The following DLG2 variants were observed in gnomAD, a reference collection of about 807,000 sequenced individuals.
DLG2 encodes disks large homolog 2.
In DLG2, 45 loss-of-function variants were observed where a neutral mutation model predicts 132.5. The observed-to-expected ratio is 0.34, with a 90% CI of 0.27 to 0.44. The LOEUF is 0.44. DLG2 is among the 20% of genes least tolerant of loss of function. The pLI is 1.00. For synonymous variants in DLG2, 424 were observed against 419.6 expected (o/e 1.01, Z -0.13); for missense variants, 1,045 against 1,196.9 (o/e 0.87, Z 1.87).
intron 4 of DLG2, among the ~76,000 whole-genome samples, chr11:85,188,041 C>T (rs971551255): frequency 2.0e-5 from 3 of 152,176 alleles, no homozygotes; most frequent in Admixed American, 1.3e-4. Flanking sequence ...GCCTTAGTCT[C>T]TCTATGTGTC....
intron 3 of DLG2, among the ~76,000 whole-genome samples, chr11:85,455,238 C>A (rs748416975): frequency 6.6e-6 from 1 of 152,116 alleles, no homozygotes; most frequent in Non-Finnish European, 1.5e-5. Context: ...AGATTTTACA[C>A]CTCCCTAGTT....
intron 6 of DLG2, among the ~76,000 whole-genome samples, chr11:84,970,593 G>C (rs566076122): frequency 3.3e-5 from 5 of 152,238 alleles, no homozygotes; most frequent in African/African-American, 1.2e-4. Flanking sequence ...TCACATAGCA[G>C]AAGAGGTGAA....
In DLG2 at chr11:84,525,783, T is replaced by A. The variant is rs575386201; in HGVS notation, c.519+8787A>T. ...TGCCCATCTCTCTTGCTTTATGGGA[T>A]GTTTGGGCCCACTCTATGCCCCTTT... is the stretch of plus-strand genomic sequence containing the variant. On this transcript the variant is annotated intron_variant, in intron 7 of 27. Transcript: ENST00000376104. Among the ~76,000 whole-genome samples, 25 of 152,344 alleles carry A rather than the reference T, an allele frequency of 1.6e-4. No homozygotes were observed. The East Asian group carries it at 4.4e-3, about 27-fold the overall frequency.
intron 6 of DLG2, among the ~76,000 whole-genome samples, chr11:84,784,171 A>T (rs1047647857): frequency 8.0e-6 from 1 of 124,974 alleles, no homozygotes; most frequent in East Asian, 2.3e-4. Context: ...AAAAAAAAAA[A>T]GCTTAGCTGA....
intron 21 of DLG2, among the ~76,000 whole-genome samples, chr11:83,503,498 A>G (rs1592008568): frequency 6.8e-6 from 1 of 147,320 alleles, no homozygotes. Flanking sequence ...CAAGATCACA[A>G]GGTCTCACAA....
intron 6 of DLG2, among the ~76,000 whole-genome samples, chr11:84,649,463 A>T (rs1012759805): frequency 5.3e-5 from 8 of 152,306 alleles, no homozygotes; most frequent in South Asian, 2.1e-4. Flanking sequence ...AATGAATAGG[A>T]TGGAGAGAAA....
At chr11:85,393,946 C>T (rs1232044944) in intron 3 of DLG2, among the ~76,000 whole-genome samples, 1 of 152,074 alleles carries the variant, frequency 6.6e-6, no homozygotes, top group Non-Finnish European at 1.5e-5. Context: ...AGACTACACA[C>T]TGGGTACAGT....
chr11:84,618,076 T>G (rs1314427051), intron 6 of DLG2, among the ~76,000 whole-genome samples: 2 of 151,956 alleles, frequency 1.3e-5, no homozygotes, highest in Admixed American at 6.6e-5. Flanking sequence ...TCCTGGTAGG[T>G]AAATAGTAAA....
At chr11:84,796,787 T>A (rs1411817672) in intron 6 of DLG2, among the ~76,000 whole-genome samples, 1 of 151,858 alleles carries the variant, frequency 6.6e-6, no homozygotes, top group Non-Finnish European at 1.5e-5. Context: ...CCTTTGTATG[T>A]TATTTGTGTC....
intron 18 of DLG2, among the ~76,000 whole-genome samples, chr11:83,749,210 G>C (rs2153732609): frequency 6.6e-6 from 1 of 152,296 alleles, no homozygotes; most frequent in African/African-American, 2.4e-5. Flanking sequence ...ATAGAATCAG[G>C]TCACAGTTGC....
chr11:84,712,821 T>C (rs548632025), intron 6 of DLG2, among the ~76,000 whole-genome samples: 1 of 152,272 alleles, frequency 6.6e-6, no homozygotes, highest in South Asian at 2.1e-4. Flanking sequence ...TTCTCTTTTC[T>C]CACCTTGATT....
Position 85,579,801 on chromosome 11 carries a change from C to T in DLG2, c.40+18856G>A, listed in dbSNP as rs1271976923. On this transcript the variant is annotated intron_variant, in intron 3 of 27. Transcript: ENST00000376104. ...TCCTGAGTTCAAGCAATCCACCCAC[C>T]TCAGCCTCCCAAAGTGCTGGGATTA... is the stretch of plus-strand genomic sequence containing the variant. Among the ~76,000 whole-genome samples the T allele has an allele frequency of 7.9e-5, 12 of 152,252 alleles. No homozygotes were observed. In the East Asian group the frequency reaches 2.3e-3, roughly 29 times the overall value.
At chr11:83,500,693 C>G (rs2094415472) in intron 21 of DLG2, among the ~76,000 whole-genome samples, 1 of 151,638 alleles carries the variant, frequency 6.6e-6, no homozygotes, top group African/African-American at 2.4e-5. Flanking sequence ...AATTATTATT[C>G]CTTTATTAAT....
intron 4 of DLG2, among the ~76,000 whole-genome samples, chr11:85,224,775 A>T (rs2074873899): frequency 6.6e-6 from 1 of 152,200 alleles, no homozygotes; most frequent in African/African-American, 2.4e-5. Context: ...CAAGACATGA[A>T]GTCAAATCTT....
At chr11:85,162,198 A>G (rs1377071188) in intron 4 of DLG2, among the ~76,000 whole-genome samples, 1 of 152,190 alleles carries the variant, frequency 6.6e-6, no homozygotes, top group Non-Finnish European at 1.5e-5. Flanking sequence ...CTACTCCACA[A>G]CGGGAAGTAA....
intron 3 of DLG2, among the ~76,000 whole-genome samples, chr11:85,481,605 C>A (rs1484205875): frequency 1.3e-5 from 2 of 152,136 alleles, no homozygotes; most frequent in Non-Finnish European, 2.9e-5. Context: ...ACCAGGAAGA[C>A]CCCCAACAGC....
intron 3 of DLG2, among the ~76,000 whole-genome samples, chr11:85,581,117 T>G (rs2078487164): frequency 6.6e-6 from 1 of 152,134 alleles, no homozygotes; most frequent in South Asian, 2.1e-4. Flanking sequence ...GATTTAGCAG[T>G]GGCTGTGCTC....
intron 22 of DLG2, among the ~76,000 whole-genome samples, chr11:83,482,468 A>ATAAT (rs1302578308): frequency 6.6e-6 from 1 of 152,128 alleles, no homozygotes; most frequent in African/African-American, 2.4e-5. Context: ...AAGACACAGG[A>ATAAT]TAATTATTTT....
At position 85,251,554 on chromosome 11, in the gene DLG2, A is replaced by G. The variant is rs868530635; in HGVS notation, c.186+33666T>C. On this transcript the variant is annotated intron_variant, in intron 4 of 27. Coordinates refer to ENST00000376104, the MANE Select transcript of DLG2 (RefSeq NM_001142699.3). ...CTTAAAACACCCTAAAATTTCACTG[A>G]TATCAAATAATAAATAACAATTGGT... Among the ~76,000 whole-genome samples the G allele has an allele frequency of 2.3e-4, 35 of 152,294 alleles. 1 individual carries two copies. The highest frequency in any genetic ancestry group is 3.4e-3 in the Middle Eastern group (1 of 294).
Sources: gnomAD v4.1 joint callset for allele counts (sites outside exome capture counted in the v4.1 genomes callset) on GRCh38, gnomAD v4.1.1 for gene constraint, MANE v1.5 for transcripts, NCBI Gene and HGNC (gene_info 2026-07-23, HGNC 2026-07-21) for gene names.